The following MCTP1 variants were observed in gnomAD, a reference collection of about 807,000 sequenced individuals.
MCTP1 encodes multiple C2 and transmembrane domain-containing protein 1.
Under a neutral mutation model 120.6 loss-of-function variants are expected in MCTP1, and 69 were observed. That is an observed-to-expected ratio of 0.57 (90% CI 0.47 to 0.70). The LOEUF is 0.70. Among genes scored for constraint, MCTP1 ranks in the 30% least tolerant of loss-of-function variants. The pLI, the probability that MCTP1 is intolerant of heterozygous loss-of-function variation, is 0.00. For missense variants in MCTP1, 1,203 were observed against 1,248.8 expected, an observed-to-expected ratio of 0.96 and a Z score of 0.55; for synonymous variants, 529 against 493.1, an observed-to-expected ratio of 1.07 and a Z score of -0.96.
chr5:94,982,913 A>AAAAAAAAAAAAAAAAAAAG (rs1829747097), intron 2 of MCTP1, among the ~76,000 whole-genome samples: 1 of 142,318 alleles, frequency 7.0e-6, no homozygotes, highest in Non-Finnish European at 1.5e-5. Context: ...AAAAAAAAAA[A>AAAAAAAAAAAAAAAAAAAG]GATGGTCAGG....
chr5:94,915,966 G>A (rs1489836149), intron 8 of MCTP1, among the ~76,000 whole-genome samples: 2 of 152,044 alleles, frequency 1.3e-5, no homozygotes, highest in East Asian at 3.9e-4. Flanking sequence ...ATAAAAACAG[G>A]GCTAATGGGT....
intron 1 of MCTP1, among the ~76,000 whole-genome samples, chr5:95,252,068 T>C (rs1267641197): frequency 1.3e-5 from 2 of 152,122 alleles, no homozygotes; most frequent in Non-Finnish European, 2.9e-5. Flanking sequence ...AATCGTACCC[T>C]TTTTATATTT....
chr5:94,870,030 G>C (rs1797533357), intron 16 of MCTP1, among the ~76,000 whole-genome samples: 1 of 151,986 alleles, frequency 6.6e-6, no homozygotes. Flanking sequence ...ACCTGTGGGT[G>C]GTCTGGACAT....
chr5:94,787,846 A>C (rs1159039140), intron 18 of MCTP1, among the ~76,000 whole-genome samples: 2 of 152,144 alleles, frequency 1.3e-5, no homozygotes, highest in Non-Finnish European at 2.9e-5. Flanking sequence ...CTCTATGCTT[A>C]ACATGTTATG....
chr5:94,914,502 T>C (rs922414840), intron 8 of MCTP1, among the ~76,000 whole-genome samples: 3 of 152,276 alleles, frequency 2.0e-5, no homozygotes, highest in Admixed American at 6.5e-5. Flanking sequence ...TTCTAATATT[T>C]GAACATTTCA....
intron 2 of MCTP1, among the ~76,000 whole-genome samples, chr5:94,969,128 A>T (rs1826226950): frequency 6.6e-6 from 1 of 152,172 alleles, no homozygotes; most frequent in African/African-American, 2.4e-5. Flanking sequence ...TAAAAAGAGG[A>T]ATTGGACGGT....
At chr5:95,040,496 C>T (rs141975868) in intron 1 of MCTP1, among the ~76,000 whole-genome samples, 160 of 151,924 alleles carry the variant, frequency 1.1e-3, no homozygotes, top group African/African-American at 3.7e-3. Context: ...GCTAAGTGCT[C>T]CCTGAGCCCA....
chr5:95,064,758 T>C (rs1005819620), intron 1 of MCTP1, among the ~76,000 whole-genome samples: 1 of 152,216 alleles, frequency 6.6e-6, no homozygotes, highest in Non-Finnish European at 1.5e-5. Flanking sequence ...CCCTTTGATG[T>C]AGAATTGACC....
At chr5:95,072,972 C>T (rs1191435165) in intron 1 of MCTP1, among the ~76,000 whole-genome samples, 1 of 151,988 alleles carries the variant, frequency 6.6e-6, no homozygotes, top group Non-Finnish European at 1.5e-5. Context: ...GTCTCGATCT[C>T]CTGACCTCGT....
intron 1 of MCTP1, among the ~76,000 whole-genome samples, chr5:95,060,091 G>A (rs1319583987): frequency 6.6e-6 from 1 of 152,152 alleles, no homozygotes; most frequent in Non-Finnish European, 1.5e-5. Context: ...CAAGCCTGGG[G>A]CTATTCTTTG....
At chr5:94,781,793 G>A (rs1373130063) in intron 18 of MCTP1, among the ~76,000 whole-genome samples, 1 of 152,084 alleles carries the variant, frequency 6.6e-6, no homozygotes, top group African/African-American at 2.4e-5. Flanking sequence ...TGGGTAATTG[G>A]CTACGCACAA....
intron 1 of MCTP1, among the ~76,000 whole-genome samples, chr5:95,251,553 G>A (rs997171956): frequency 6.6e-6 from 1 of 152,058 alleles, no homozygotes; most frequent in Admixed American, 6.6e-5. Context: ...AAATACATGT[G>A]GATGGTGGAG....
chr5:94,819,756 A>G (rs1335748559), intron 17 of MCTP1, among the ~76,000 whole-genome samples: 1 of 152,220 alleles, frequency 6.6e-6, no homozygotes, highest in East Asian at 1.9e-4. Flanking sequence ...AATTTTACCT[A>G]ACAGCAGGAG....
At chr5:95,257,445 A>T (rs894233748) in intron 1 of MCTP1, among the ~76,000 whole-genome samples, 1 of 152,200 alleles carries the variant, frequency 6.6e-6, no homozygotes, top group African/African-American at 2.4e-5. Flanking sequence ...ACTATTTTTA[A>T]AAAATCCCAC....
chr5:95,068,709 C>CA (rs1751321408), intron 1 of MCTP1: 3 of 923,234 alleles, frequency 3.2e-6, no homozygotes, highest in Non-Finnish European at 4.3e-6. Context: ...ACAATTCGGT[C>CA]AAAAAATAAA....
chr5:95,173,200 C>T (rs923356570), intron 1 of MCTP1, among the ~76,000 whole-genome samples: 1 of 152,132 alleles, frequency 6.6e-6, no homozygotes, highest in Admixed American at 6.5e-5. Context: ...TCTTAGAGCC[C>T]ATGAGGCTAC....
intron 1 of MCTP1, among the ~76,000 whole-genome samples, chr5:95,089,464 T>C (rs1324531513): frequency 6.6e-6 from 1 of 152,220 alleles, no homozygotes. Context: ...AATGGAACTT[T>C]TGGATCCATA....
chr5:95,068,827 G>C (rs1055192109), intron 1 of MCTP1: 11 of 1,267,976 alleles, frequency 8.7e-6, no homozygotes, highest in Non-Finnish European at 1.1e-5. Context: ...TACCATACAG[G>C]GTCTGCCAAA....
At chr5:94,835,243 A>T (rs538561738) in intron 17 of MCTP1, among the ~76,000 whole-genome samples, 2 of 152,316 alleles carry the variant, frequency 1.3e-5, no homozygotes, top group South Asian at 2.1e-4. Flanking sequence ...CTCTACTATG[A>T]TGTTGATTAC....
Sources: allele counts gnomAD v4.1 joint callset (sites outside exome capture counted in the v4.1 genomes callset), GRCh38; gene constraint gnomAD v4.1.1; transcripts MANE v1.5; gene names NCBI Gene and HGNC (gene_info 2026-07-23, HGNC 2026-07-21).